Variants in IQCH observed in about 807,000 individuals in gnomAD.
IQCH encodes IQ domain-containing protein H.
Under a neutral mutation model 117.0 loss-of-function variants are expected in IQCH, and 98 were observed. The observed-to-expected ratio is 0.84, with a 90% CI of 0.71 to 0.99. The LOEUF (loss-of-function observed/expected upper bound fraction) is 0.99, where lower values mean the gene tolerates loss of function less well. Ranked by LOEUF, IQCH falls within the 50% of genes least tolerant of loss-of-function variation. The pLI is 0.00. For synonymous variants in IQCH, 412 were observed against 448.2 expected, an observed-to-expected ratio of 0.92 and a Z score of 1.02; for missense variants, 1,102 against 1,243.8, an observed-to-expected ratio of 0.89 and a Z score of 1.72.
intron 16 of IQCH, among the ~76,000 whole-genome samples, chr15:67,451,869 G>T (rs1483080829): frequency 6.6e-6 from 1 of 152,164 alleles, no homozygotes; most frequent in African/African-American, 2.4e-5. Flanking sequence ...AAGTCTCTTT[G>T]TAGGTCACTA....
intron 4 of IQCH, among the ~76,000 whole-genome samples, chr15:67,301,706 G>A (rs1967054900): frequency 6.6e-6 from 1 of 152,012 alleles, no homozygotes; most frequent in South Asian, 2.1e-4. Context: ...CACCATGCCT[G>A]TATGATTATG....
chr15:67,401,621 C>T lies in IQCH; in HGVS notation c.2097+1316C>T, dbSNP rs1205042101. Reference sequence around the variant, plus strand: ...TGGAGTGATGAATAAATCTATTGAACAGTCAGGAGAGAGAGTTCCCTTTGA... The same window carrying T: ...TGGAGTGATGAATAAATCTATTGAATAGTCAGGAGAGAGAGTTCCCTTTGA... On this transcript the variant is annotated intron_variant, in intron 14 of 20. Transcript: ENST00000335894. The surrounding 1 kb of genome is among the most constrained non-coding windows in gnomAD (Gnocchi z 4.7). Among the ~76,000 whole-genome samples, 1 of 152,194 alleles carries T rather than the reference C, an allele frequency of 6.6e-6. No individual in the cohort carries two copies. Among genetic ancestry groups the T allele is most frequent in the Non-Finnish European group, 1.5e-5 (1 of 68,028 alleles).
intron 16 of IQCH, among the ~76,000 whole-genome samples, chr15:67,440,825 C>G (rs2082248976): frequency 1.3e-5 from 2 of 152,100 alleles, no homozygotes; most frequent in African/African-American, 4.8e-5. Flanking sequence ...GATGCCCACT[C>G]TCACCACTCC....
chr15:67,484,912 G>T (rs1358254751), intron 18 of IQCH, among the ~76,000 whole-genome samples: 3 of 151,702 alleles, frequency 2.0e-5, no homozygotes, highest in Non-Finnish European at 4.4e-5. Context: ...TTAAAAAAAG[G>T]TATACTAAAA....
intron 4 of IQCH, chr15:67,304,573 A>G: frequency 2.0e-6 from 1 of 497,428 alleles, no homozygotes; most frequent in South Asian, 3.9e-5. Context: ...TGTCTTTGGA[A>G]TTTTTTGGAG....
intron 4 of IQCH, among the ~76,000 whole-genome samples, chr15:67,307,708 G>T (rs1420744742): frequency 6.6e-6 from 1 of 152,020 alleles, no homozygotes; most frequent in Non-Finnish European, 1.5e-5. Flanking sequence ...GAAGCAGAGT[G>T]AATTAATAAA....
chr15:67,486,636 G>A (rs2083488025), intron 18 of IQCH, among the ~76,000 whole-genome samples: 1 of 152,032 alleles, frequency 6.6e-6, no homozygotes, highest in African/African-American at 2.4e-5. Flanking sequence ...TTAACCATAG[G>A]TCCCTAGAAT....
In IQCH at chr15:67,359,848, G is replaced by C. The variant is rs1342784527; in HGVS notation, c.716G>C (p.Gly239Ala). The C allele has an allele frequency of 6.2e-7, 1 of 1,612,700 alleles. No homozygotes were observed. The highest frequency in any genetic ancestry group is 1.7e-5 in the Admixed American group (1 of 59,998). The change falls in exon 8 of 21, where the codon GGG becomes GCG. Residue 239 changes from glycine to alanine, a missense_variant and splice_region_variant. By Grantham distance (60) the Gly-to-Ala change is moderately conservative. Transcript: ENST00000335894. This position sits in a 1 kb window ranked among gnomAD's most constrained non-coding sequence, Gnocchi z 4.5. Reference protein sequence around the residue: ...KFFPKKQRSKGKSRRSRGHHD... With the variant: ...KFFPKKQRSKAKSRRSRGHHD... ...ACTGTGTCTCATTCTTCATTGTAGG[G>C]GAAAAGCAGAAGGTCAAGAGGACAT...
At position 67,411,541 on chromosome 15, in the gene IQCH, C is replaced by T. The variant is rs1255708286; in HGVS notation, c.2098-5390C>T. On this transcript the variant is annotated intron_variant, in intron 14 of 20. Transcript: ENST00000335894. The surrounding 1 kb of genome is among the most constrained non-coding windows in gnomAD (Gnocchi z 4.4). ...ATTTTCTTTTGAACACCATCAGTGT[C>T]TGATATGGGAGATTTGAGGTGATTA... 6.6e-6 allele frequency among the ~76,000 whole-genome samples: 1 copy of T among 152,142 alleles called. No individual in the cohort carries two copies. The highest frequency in any genetic ancestry group is 1.5e-5 in the Non-Finnish European group (1 of 68,028).
At chr15:67,270,426 A>G (rs1466094089) in intron 3 of IQCH, among the ~76,000 whole-genome samples, 3 of 152,154 alleles carry the variant, frequency 2.0e-5, no homozygotes, top group African/African-American at 7.2e-5. Flanking sequence ...GTTTTTTATC[A>G]TGAAGGGATA....
chr15:67,389,077 C>G, intron 12 of IQCH, 71 bp downstream of exon 12: 1 of 1,202,710 alleles, frequency 8.3e-7, no homozygotes. Flanking sequence ...TAATAACTTG[C>G]AACGCTCTGG....
chr15:67,313,097 T>A (rs1036402084), intron 4 of IQCH, among the ~76,000 whole-genome samples: 1 of 152,192 alleles, frequency 6.6e-6, no homozygotes, highest in African/African-American at 2.4e-5. Context: ...CCATAAAGTT[T>A]GGGCAATATG....
intron 6 of IQCH, among the ~76,000 whole-genome samples, chr15:67,351,221 C>T (rs1400876592): frequency 1.3e-5 from 2 of 152,096 alleles, no homozygotes; most frequent in Non-Finnish European, 2.9e-5. Flanking sequence ...GGTATTTGTC[C>T]TAATGCTCTC....
At chr15:67,344,485 G>C (rs1177437447) in intron 6 of IQCH, among the ~76,000 whole-genome samples, 2 of 152,082 alleles carry the variant, frequency 1.3e-5, no homozygotes, top group Admixed American at 1.3e-4. Context: ...AGATGATGTG[G>C]ATTTATCACT....
chr15:67,363,994 G>A (rs1334330841), intron 8 of IQCH, among the ~76,000 whole-genome samples: 1 of 152,084 alleles, frequency 6.6e-6, no homozygotes, highest in Non-Finnish European at 1.5e-5. Flanking sequence ...CTTTGCTATT[G>A]TGAATAGTGC....
intron 18 of IQCH, among the ~76,000 whole-genome samples, chr15:67,482,444 A>C (rs748507146): frequency 5.0e-4 from 76 of 152,230 alleles, no homozygotes; most frequent in Non-Finnish European, 9.1e-4. Context: ...AGAGAGCCAG[A>C]CCTGATCTAG....
At chr15:67,326,839 CA>C (rs1968435691) in intron 4 of IQCH, among the ~76,000 whole-genome samples, 1 of 152,162 alleles carries the variant, frequency 6.6e-6, no homozygotes, top group Admixed American at 6.5e-5. Context: ...CACTGAGTTT[CA>C]CTACAATATT....
chr15:67,299,845 T>C (rs1172747727), intron 4 of IQCH, among the ~76,000 whole-genome samples: 1 of 152,164 alleles, frequency 6.6e-6, no homozygotes, highest in African/African-American at 2.4e-5. Flanking sequence ...CTTTCTTTTA[T>C]AGCATATCAA....
chr15:67,306,116 A>G (rs778404368), intron 4 of IQCH, among the ~76,000 whole-genome samples: 8 of 152,064 alleles, frequency 5.3e-5, no homozygotes, highest in Non-Finnish European at 1.2e-4. Flanking sequence ...AGTTGACCCT[A>G]TCATTTTATG....
Sources: gnomAD v4.1 joint callset for allele counts (sites outside exome capture counted in the v4.1 genomes callset) on GRCh38, gnomAD v4.1.1 for gene constraint, Gnocchi (gnomAD v3.1) non-coding constraint, MANE v1.5 for transcripts, NCBI Gene and HGNC (gene_info 2026-07-23, HGNC 2026-07-21) for gene names.